The following KIRREL3 variants were observed in gnomAD, a reference collection of about 807,000 sequenced individuals.
KIRREL3 encodes the protein kirre like nephrin family adhesion molecule 3.
Under a neutral mutation model 89.7 loss-of-function variants are expected in KIRREL3, and 36 were observed. That is an observed-to-expected ratio of 0.40 (90% CI 0.31 to 0.53). The LOEUF (loss-of-function observed/expected upper bound fraction) is 0.53. Among genes scored for constraint, KIRREL3 ranks in the 20% least tolerant of loss-of-function variants. KIRREL3 has a pLI of 0.49. For synonymous variants in KIRREL3, 445 were observed against 441.4 expected, an observed-to-expected ratio of 1.01 and a Z score of -0.10; for missense variants, 864 against 1,056.6, an observed-to-expected ratio of 0.82 and a Z score of 2.53.
intron 1 of KIRREL3, among the ~76,000 whole-genome samples, chr11:126,819,659 G>T (rs1106805): frequency 0.25 from 38,046 of 152,166 alleles, 4,815 homozygotes; most frequent in Admixed American, 0.31. Flanking sequence ...AGGCAGGAAC[G>T]CTCACATACA....
At chr11:126,941,152 T>G (rs1948429937) in intron 1 of KIRREL3, among the ~76,000 whole-genome samples, 1 of 152,206 alleles carries the variant, frequency 6.6e-6, no homozygotes, top group African/African-American at 2.4e-5. Context: ...TTCATCTGCA[T>G]AAAAATACTA....
chr11:126,758,256 G>A lies in KIRREL3; in HGVS notation c.56-195344C>T, dbSNP rs143174051. ...GCTATTTTTAGAGTGGGCTGGAAAT[G>A]CTATCTTGCAGCTTTTTAGAAATTT... On this transcript the variant is annotated intron_variant, in intron 1 of 16. Coordinates refer to ENST00000525144, the MANE Select transcript of KIRREL3 (RefSeq NM_032531.4). 2.4e-3 allele frequency among the ~76,000 whole-genome samples: 363 copies of A among 152,334 alleles called. 3 individuals carry two copies. Among genetic ancestry groups the A allele is most frequent in the African/African-American group, 8.2e-3 (341 of 41,578 alleles).
chr11:126,525,223 C>T lies in KIRREL3; in HGVS notation c.283+1315G>A, dbSNP rs902327037. 8.5e-5 allele frequency among the ~76,000 whole-genome samples: 13 copies of T among 152,300 alleles called. No homozygotes were observed. Among genetic ancestry groups the T allele is most frequent in the South Asian group, 8.3e-4 (4 of 4,824 alleles). ...TGACGGAAGTTGGAAACCCACTGACCGGGACCCCAGACAGCCTCCTTAACT... is the reference window on the plus strand; with the variant it reads ...TGACGGAAGTTGGAAACCCACTGACTGGGACCCCAGACAGCCTCCTTAACT... On this transcript the variant is annotated intron_variant, in intron 3 of 16. Coordinates refer to ENST00000525144, the MANE Select transcript of KIRREL3 (RefSeq NM_032531.4). This position sits in a 1 kb window ranked among gnomAD's most constrained non-coding sequence, Gnocchi z 5.4.
intron 1 of KIRREL3, chr11:126,936,110 A>T (rs779919383): frequency 1.3e-5 from 2 of 152,236 alleles, no homozygotes; most frequent in Non-Finnish European, 2.9e-5. Flanking sequence ...ACCAAAGAAG[A>T]TATACAAATA....
In KIRREL3 at chr11:126,709,384, C is replaced by T. The variant is rs1947667416; in HGVS notation, c.56-146472G>A. On this transcript the variant is annotated intron_variant, in intron 1 of 16. Transcript: ENST00000525144. This position sits in a 1 kb window ranked among gnomAD's most constrained non-coding sequence, Gnocchi z 4.0. ...CAGCACCCCCGGGCAGAAGATGCAG[C>T]CAAACAGGAAAGACAGAGTTCACAC... is the stretch of plus-strand genomic sequence containing the variant. Among the ~76,000 whole-genome samples, 1 of 152,096 alleles carries T rather than the reference C, an allele frequency of 6.6e-6. No individual in the cohort carries two copies. The highest frequency in any genetic ancestry group is 2.4e-5 in the African/African-American group (1 of 41,410).
At chr11:126,849,535 G>A (rs1944268350) in intron 1 of KIRREL3, among the ~76,000 whole-genome samples, 1 of 152,178 alleles carries the variant, frequency 6.6e-6, no homozygotes, top group Non-Finnish European at 1.5e-5. Context: ...CACAGTTTGG[G>A]AAAGGAATGG....
At chr11:126,840,575 C>T (rs1310740784) in intron 1 of KIRREL3, among the ~76,000 whole-genome samples, 3 of 152,182 alleles carry the variant, frequency 2.0e-5, no homozygotes, top group South Asian at 2.1e-4. Context: ...TCTCTCACAA[C>T]TGTGGACTGA....
At chr11:126,960,031 A>G (rs1286945688) in intron 1 of KIRREL3, among the ~76,000 whole-genome samples, 1 of 152,150 alleles carries the variant, frequency 6.6e-6, no homozygotes, top group Non-Finnish European at 1.5e-5. Context: ...CAATGTACTT[A>G]GCCAATATTA....
At chr11:126,426,181 G>T (rs1461230856) in intron 15 of KIRREL3, among the ~76,000 whole-genome samples, 1 of 152,264 alleles carries the variant, frequency 6.6e-6, no homozygotes, top group African/African-American at 2.4e-5. Flanking sequence ...CAGTCACTGG[G>T]CATGGCAAGG....
chr11:126,443,417 T>C lies in KIRREL3; in HGVS notation c.1252+1562A>G, dbSNP rs888580431. 3.9e-5 allele frequency among the ~76,000 whole-genome samples: 6 copies of C among 152,146 alleles called. No homozygotes were observed. The highest frequency in any genetic ancestry group is 7.3e-5 in the Non-Finnish European group (5 of 68,032). Reference sequence around the variant, plus strand: ...ATGGATATACGGAGGCGCGATCAGATGCTGTTATTTTTAGCCCTGCAGTGC... The same window carrying C: ...ATGGATATACGGAGGCGCGATCAGACGCTGTTATTTTTAGCCCTGCAGTGC... On this transcript the variant is annotated intron_variant, in intron 10 of 16. Transcript: ENST00000525144. This position sits in a 1 kb window ranked among gnomAD's most constrained non-coding sequence, Gnocchi z 7.3.
At chr11:126,806,419 C>T (rs1951205414) in intron 1 of KIRREL3, among the ~76,000 whole-genome samples, 2 of 152,158 alleles carry the variant, frequency 1.3e-5, no homozygotes, top group Non-Finnish European at 2.9e-5. Context: ...GAGAATTAGT[C>T]CTCTTCAGTC....
At chr11:126,753,226 G>T (rs996313459) in intron 1 of KIRREL3, among the ~76,000 whole-genome samples, 3 of 152,182 alleles carry the variant, frequency 2.0e-5, no homozygotes, top group African/African-American at 7.2e-5. Context: ...ACCAGAGGAG[G>T]CCTCACCACT....
intron 1 of KIRREL3, among the ~76,000 whole-genome samples, chr11:126,968,962 G>C (rs932945451): frequency 2.0e-5 from 3 of 152,250 alleles, no homozygotes; most frequent in South Asian, 2.1e-4. Context: ...AGGTCCCTTC[G>C]ACTCTCCAGG....
Position 126,883,193 on chromosome 11 carries a change from G to A in KIRREL3, c.55+117262C>T, listed in dbSNP as rs1054774359. Among the ~76,000 whole-genome samples the A allele has an allele frequency of 6.6e-6, 1 of 151,294 alleles. No individual in the cohort carries two copies. Among genetic ancestry groups the A allele is most frequent in the Non-Finnish European group, 1.5e-5 (1 of 67,330 alleles). On this transcript the variant is annotated intron_variant, in intron 1 of 16. Transcript: ENST00000525144. This position sits in a 1 kb window ranked among gnomAD's most constrained non-coding sequence, Gnocchi z 4.1. ...GCCTAACTCCTTGGCAGCTGAGCAGGAGACAGGAGGATCATCATCTGCTAT... is the reference window on the plus strand; with the variant it reads ...GCCTAACTCCTTGGCAGCTGAGCAGAAGACAGGAGGATCATCATCTGCTAT...
rs1456527442 is a variant in KIRREL3, at chr11:126,517,456, G to A, written c.433+3859C>T. ...TGAAGCCCAACCAAACTGAGTCTTC[G>A]GAGAGGGCTAGGTCTATGTGGAAGC... is the stretch of plus-strand genomic sequence containing the variant. On this transcript the variant is annotated intron_variant, in intron 4 of 16. Coordinates refer to ENST00000525144, the MANE Select transcript of KIRREL3 (RefSeq NM_032531.4). 3.3e-5 allele frequency among the ~76,000 whole-genome samples: 5 copies of A among 152,226 alleles called. No individual in the cohort carries two copies. In the East Asian group the frequency reaches 7.7e-4, roughly 24 times the overall value.
Position 126,674,346 on chromosome 11 carries a change from T to G in KIRREL3, c.56-111434A>C, listed in dbSNP as rs186257185. 1.7e-3 allele frequency among the ~76,000 whole-genome samples: 258 copies of G among 152,348 alleles called. 1 individual carries two copies. The highest frequency in any genetic ancestry group is 5.6e-3 in the South Asian group (27 of 4,824). On this transcript the variant is annotated intron_variant, in intron 1 of 16. Coordinates refer to ENST00000525144, the MANE Select transcript of KIRREL3 (RefSeq NM_032531.4). Reference sequence around the variant, plus strand: ...CTTTTGCAAGCACTTACTGAGCACCTGCTATGTGCCAGACCTTGTTCTCAT... The same window carrying G: ...CTTTTGCAAGCACTTACTGAGCACCGGCTATGTGCCAGACCTTGTTCTCAT...
chr11:126,702,777 G>A (rs1056348200), intron 1 of KIRREL3, among the ~76,000 whole-genome samples: 5 of 152,216 alleles, frequency 3.3e-5, no homozygotes, highest in East Asian at 3.8e-4. Flanking sequence ...ACCCTAGGAG[G>A]TGGATGCTCT....
intron 1 of KIRREL3, among the ~76,000 whole-genome samples, chr11:126,937,791 C>T (rs949745223): frequency 5.9e-5 from 9 of 152,120 alleles, no homozygotes; most frequent in African/African-American, 1.7e-4. Context: ...CCCAGCTGCT[C>T]GGGAGGCTGA....
intron 1 of KIRREL3, among the ~76,000 whole-genome samples, chr11:126,923,083 G>C: frequency 7.3e-6 from 1 of 136,650 alleles, no homozygotes. Flanking sequence ...CTTGCCTTGT[G>C]GATCTTCTTC....
Sources: gnomAD v4.1 joint callset for allele counts (sites outside exome capture counted in the v4.1 genomes callset) on GRCh38, gnomAD v4.1.1 for gene constraint, Gnocchi (gnomAD v3.1) non-coding constraint, MANE v1.5 for transcripts, NCBI Gene and HGNC (gene_info 2026-07-23, HGNC 2026-07-21) for gene names.